TRIM44: variants seen among roughly 807,000 people sequenced by gnomAD.
The protein encoded by TRIM44 is tripartite motif-containing protein 44.
Under a neutral mutation model 37.4 loss-of-function variants are expected in TRIM44, and 13 were observed. That is an observed-to-expected ratio of 0.35 (90% CI 0.23 to 0.55). The LOEUF (loss-of-function observed/expected upper bound fraction) is 0.55. Among genes scored for constraint, TRIM44 ranks in the 20% least tolerant of loss-of-function variants. The pLI, the probability that TRIM44 is intolerant of heterozygous loss-of-function variation, is 0.89. For missense variants in TRIM44, 426 were observed against 437.2 expected, an observed-to-expected ratio of 0.97 and a Z score of 0.23; for synonymous variants, 175 against 157.2, an observed-to-expected ratio of 1.11 and a Z score of -0.85.
intron 1 of TRIM44, among the ~76,000 whole-genome samples, chr11:35,678,052 A>C (rs1851479311): frequency 6.6e-6 from 1 of 152,218 alleles, no homozygotes; most frequent in Admixed American, 6.5e-5. Context: ...TAAGGGGATA[A>C]AATGAATGGC....
chr11:35,679,901 A>C (rs756445310), intron 1 of TRIM44, among the ~76,000 whole-genome samples: 3 of 152,186 alleles, frequency 2.0e-5, no homozygotes, highest in Non-Finnish European at 4.4e-5. Context: ...TTCCAAGCTC[A>C]CACAAGCAGT....
chr11:35,685,104 A>T (rs529973206), intron 1 of TRIM44, among the ~76,000 whole-genome samples, 155 bp from the exon 2 acceptor site: 1 of 152,368 alleles, frequency 6.6e-6, no homozygotes, highest in African/African-American at 2.4e-5. Context: ...TCCATAGAGA[A>T]GGGAAAGAGG....
rs952992250 is a variant in TRIM44 at position 35,694,790 on chromosome 11, GT to G, written c.747+9458del. ...TGAATCCAAAATTCAGGGTTCCAAA[GT>G]TTTGCTGCAATGTGGATGGCAAGGA... On this transcript the variant is annotated intron_variant, in intron 2 of 4. Transcript: ENST00000299413. 4.6e-5 allele frequency among the ~76,000 whole-genome samples: 7 copies of G among 152,056 alleles called. 1 individual carries two copies. Among genetic ancestry groups the G allele is most frequent in the African/African-American group, 1.7e-4 (7 of 41,408 alleles).
rs1375217682 is a variant in TRIM44, at chr11:35,731,644, AC to A, written c.988-3781del. Among the ~76,000 whole-genome samples, 4 of 152,170 alleles carry A rather than the reference AC, an allele frequency of 2.6e-5. No homozygotes were observed. The East Asian group carries it at 7.7e-4, about 29-fold the overall frequency. On this transcript the variant is annotated intron_variant, in intron 3 of 4. Transcript: ENST00000299413. Reference sequence around the variant, plus strand: ...TCACTGTTTTTTGCAGAATTTACTTACATCATTTTATAAAACTCTTTATAAA... The same window carrying A: ...TCACTGTTTTTTGCAGAATTTACTTAATCATTTTATAAAACTCTTTATAAA...
At chr11:35,754,902 C>T (rs1231075622) in intron 4 of TRIM44, among the ~76,000 whole-genome samples, 4 of 152,060 alleles carry the variant, frequency 2.6e-5, no homozygotes, top group African/African-American at 9.7e-5. Context: ...TCCAGTCTAT[C>T]GTTGTTGGAC....
In TRIM44 at chr11:35,705,261, G is replaced by A. The variant is rs1338128473; in HGVS notation, c.747+19925G>A. On this transcript the variant is annotated intron_variant, in intron 2 of 4. Transcript: ENST00000299413. Reference sequence around the variant, plus strand: ...ATACAGGAGCACCCAGATTCATAAAGCAAGTCCTGAGTGATCTACGAAGAG... The same window carrying A: ...ATACAGGAGCACCCAGATTCATAAAACAAGTCCTGAGTGATCTACGAAGAG... Among the ~76,000 whole-genome samples, 8 of 152,080 alleles carry A rather than the reference G, an allele frequency of 5.3e-5. No individual in the cohort carries two copies. The East Asian group carries it at 1.4e-3, about 26-fold the overall frequency.
At chr11:35,696,170 G>A (rs1201751079) in intron 2 of TRIM44, among the ~76,000 whole-genome samples, 9 of 143,852 alleles carry the variant, frequency 6.3e-5, no homozygotes, top group Non-Finnish European at 1.2e-4. Flanking sequence ...ACGGAGTCTC[G>A]AGATGCTCTG....
intron 4 of TRIM44, among the ~76,000 whole-genome samples, chr11:35,741,780 T>C (rs1472176023): frequency 6.6e-6 from 1 of 152,240 alleles, no homozygotes; most frequent in Non-Finnish European, 1.5e-5. Context: ...GAGGAATTCT[T>C]TCTTTCAACA....
intron 2 of TRIM44, among the ~76,000 whole-genome samples, chr11:35,706,753 G>A (rs1197412292): frequency 6.6e-6 from 1 of 151,732 alleles, no homozygotes; most frequent in Non-Finnish European, 1.5e-5. Flanking sequence ...GGTATTGATG[G>A]GACATATCTC....
rs972381698 is a variant in TRIM44 at position 35,815,967 on chromosome 11, C to T, written c.*9582C>T. 4 of 152,178 alleles carry T rather than the reference C, an allele frequency of 2.6e-5. No individual in the cohort carries two copies. Among genetic ancestry groups the T allele is most frequent in the East Asian group, 3.9e-4 (2 of 5,192 alleles). The allele number at this position is 152,178 out of a possible 1,614,324, so 9.4% of individuals were successfully genotyped here. Reference sequence around the variant, plus strand: ...ACTGAAACAGCCTCATGAGGACATGCAAAACTGCTGTCTATCTTCAGACCT... The same window carrying T: ...ACTGAAACAGCCTCATGAGGACATGTAAAACTGCTGTCTATCTTCAGACCT... On this transcript the variant is annotated 3_prime_UTR_variant, in exon 5 of 5. Transcript: ENST00000299413.
At chr11:35,759,792 C>T (rs186527571) in intron 4 of TRIM44, among the ~76,000 whole-genome samples, 64 of 152,306 alleles carry the variant, frequency 4.2e-4, no homozygotes, top group African/African-American at 1.5e-3. Flanking sequence ...GTATCAGCAG[C>T]GGAGCCTGCA....
intron 4 of TRIM44, among the ~76,000 whole-genome samples, chr11:35,787,260 G>A (rs1025710386): frequency 1.3e-5 from 2 of 152,208 alleles, no homozygotes; most frequent in Admixed American, 6.5e-5. Flanking sequence ...CCTTGGGTCA[G>A]CCAGCGTGTC....
At chr11:35,779,488 T>C (rs917515306) in intron 4 of TRIM44, among the ~76,000 whole-genome samples, 1 of 152,054 alleles carries the variant, frequency 6.6e-6, no homozygotes, top group African/African-American at 2.4e-5. Context: ...GGTACCTCAG[T>C]TGGAAATGCA....
chr11:35,718,118 T>G (rs931183282), intron 2 of TRIM44, among the ~76,000 whole-genome samples: 1 of 152,192 alleles, frequency 6.6e-6, no homozygotes, highest in Non-Finnish European at 1.5e-5. Flanking sequence ...TTCATGGGCT[T>G]AAATCGAAAT....
At position 35,757,348 on chromosome 11, in the gene TRIM44, A is replaced by T. The variant is rs533068397; in HGVS notation, c.1007+21903A>T. Among the ~76,000 whole-genome samples the T allele has an allele frequency of 5.9e-5, 9 of 152,164 alleles. No homozygotes were observed. The East Asian group carries it at 1.4e-3, about 23-fold the overall frequency. On this transcript the variant is annotated intron_variant, in intron 4 of 4. Coordinates refer to ENST00000299413, the MANE Select transcript of TRIM44 (RefSeq NM_017583.6). ...GTATTTCTGTGGGATCTGTGGTGATATCCCCTTTATCATTTTTTATTGCGT... is the reference window on the plus strand; with the variant it reads ...GTATTTCTGTGGGATCTGTGGTGATTTCCCCTTTATCATTTTTTATTGCGT...
intron 4 of TRIM44, among the ~76,000 whole-genome samples, chr11:35,774,793 TTTCTTAGGGTTCTGTTCTG>T (rs1398335766): frequency 6.6e-6 from 1 of 152,214 alleles, no homozygotes; most frequent in Non-Finnish European, 1.5e-5. Flanking sequence ...TGTGGTATTA[TTTCTTAGGGTTCTGTTCTG>T]TTCCATTGGT....
rs767404954 is a variant in TRIM44, at chr11:35,731,021, A to G, written c.988-4405A>G. ...TTCTTTAGGATTTTCTATATCAGCA[A>G]TTATGCCATCTACAAATAGAGACAG... On this transcript the variant is annotated intron_variant, in intron 3 of 4. Coordinates refer to ENST00000299413, the MANE Select transcript of TRIM44 (RefSeq NM_017583.6). 8.5e-5 allele frequency among the ~76,000 whole-genome samples: 13 copies of G among 152,092 alleles called. 1 individual carries two copies. The highest frequency in any genetic ancestry group is 1.5e-4 in the Non-Finnish European group (10 of 68,010).
intron 3 of TRIM44, among the ~76,000 whole-genome samples, chr11:35,728,401 T>A: frequency 6.6e-6 from 1 of 152,228 alleles, no homozygotes; most frequent in Non-Finnish European, 1.5e-5. Context: ...TCTCTGACAT[T>A]AGCTGTCCTT....
intron 4 of TRIM44, among the ~76,000 whole-genome samples, chr11:35,792,573 G>A (rs1343103178): frequency 6.6e-6 from 1 of 152,184 alleles, no homozygotes; most frequent in Non-Finnish European, 1.5e-5. Flanking sequence ...TACCTTCCCT[G>A]CCTCTTATCT....
Sources: gnomAD v4.1 joint callset for allele counts (sites outside exome capture counted in the v4.1 genomes callset) on GRCh38, gnomAD v4.1.1 for gene constraint, MANE v1.5 for transcripts, NCBI Gene and HGNC (gene_info 2026-07-23, HGNC 2026-07-21) for gene names.